RAD51B: variants seen among roughly 807,000 people sequenced by gnomAD.
RAD51B encodes the protein DNA repair protein RAD51 homolog 2.
Under a neutral mutation model 42.2 loss-of-function variants are expected in RAD51B, and 38 were observed. That is an observed-to-expected ratio of 0.90 (90% confidence interval 0.70 to 1.18). The LOEUF (loss-of-function observed/expected upper bound fraction) is 1.18, where lower values mean the gene tolerates loss of function less well. Ranked by LOEUF, RAD51B falls within the 50% of genes most tolerant of loss-of-function variation. The pLI is 0.00. For missense variants in RAD51B, 373 were observed against 400.7 expected, an observed-to-expected ratio of 0.93 and a Z score of 0.59; for synonymous variants, 154 against 145.2, an observed-to-expected ratio of 1.06 and a Z score of -0.43.
intron 3 of RAD51B, among the ~76,000 whole-genome samples, chr14:67,831,318 G>T (rs1594967638): frequency 6.6e-6 from 1 of 152,304 alleles, no homozygotes; most frequent in East Asian, 1.9e-4. Context: ...TATCAGAATG[G>T]ATGAGTGATT....
intron 4 of RAD51B, among the ~76,000 whole-genome samples, chr14:67,852,370 T>C (rs988534534): frequency 2.6e-5 from 4 of 152,210 alleles, no homozygotes; most frequent in Non-Finnish European, 5.9e-5. Flanking sequence ...AACTCGGGGA[T>C]CCAAGGTTGG....
At chr14:68,550,762 T>C (rs1265226909) in intron 10 of RAD51B, among the ~76,000 whole-genome samples, 5 of 152,204 alleles carry the variant, frequency 3.3e-5, no homozygotes, top group Non-Finnish European at 7.3e-5. Flanking sequence ...AGTCCATCAA[T>C]AACCCTAGCA....
At chr14:68,592,311 T>C (rs2140080114) in intron 10 of RAD51B, among the ~76,000 whole-genome samples, 1 of 151,360 alleles carries the variant, frequency 6.6e-6, no homozygotes, top group African/African-American at 2.4e-5. Context: ...AAGAGAGGAG[T>C]CTGTCACAGG....
intron 7 of RAD51B, among the ~76,000 whole-genome samples, chr14:68,266,763 A>G (rs1364622871): frequency 6.6e-6 from 1 of 152,250 alleles, no homozygotes; most frequent in Non-Finnish European, 1.5e-5. Context: ...GACAAATTAC[A>G]TGTATTCCTG....
chr14:68,008,297 A>G (rs1281049445), intron 7 of RAD51B, among the ~76,000 whole-genome samples: 1 of 151,976 alleles, frequency 6.6e-6, no homozygotes, highest in Non-Finnish European at 1.5e-5. Context: ...TTTAAAATAT[A>G]GACAAATTGA....
chr14:68,534,614 C>T (rs151105825), intron 10 of RAD51B, among the ~76,000 whole-genome samples: 146 of 152,088 alleles, frequency 9.6e-4, no homozygotes, highest in African/African-American at 3.2e-3. Flanking sequence ...GGTGAAGGCG[C>T]GAAGATGAAC....
At chr14:68,056,743 G>A (rs536714811) in intron 7 of RAD51B, among the ~76,000 whole-genome samples, 25 of 151,392 alleles carry the variant, frequency 1.7e-4, no homozygotes, top group African/African-American at 5.6e-4. Flanking sequence ...CCAAGACTCC[G>A]TCTCAAAAAT....
intron 7 of RAD51B, among the ~76,000 whole-genome samples, chr14:68,167,424 A>G (rs897842338): frequency 6.6e-6 from 1 of 152,188 alleles, no homozygotes; most frequent in African/African-American, 2.4e-5. Flanking sequence ...TAAAACCTAT[A>G]GCACGTATTT....
chr14:67,913,309 G>T (rs1229071470), intron 7 of RAD51B, among the ~76,000 whole-genome samples: 1 of 152,110 alleles, frequency 6.6e-6, no homozygotes, highest in African/African-American at 2.4e-5. Context: ...TGACTTATTA[G>T]TTTAAGGTTA....
At chr14:68,567,622 A>G (rs1889488063) in intron 10 of RAD51B, among the ~76,000 whole-genome samples, 1 of 152,212 alleles carries the variant, frequency 6.6e-6, no homozygotes, top group Non-Finnish European at 1.5e-5. Flanking sequence ...TCACTGCCCT[A>G]AAAATCCTCT....
chr14:68,112,022 G>C (rs1389825402), intron 7 of RAD51B, among the ~76,000 whole-genome samples: 1 of 152,070 alleles, frequency 6.6e-6, no homozygotes, highest in Non-Finnish European at 1.5e-5. Context: ...CAAGAGGCTA[G>C]CTCATAATAG....
chr14:68,213,052 G>A (rs573938760), intron 7 of RAD51B, among the ~76,000 whole-genome samples: 1 of 152,280 alleles, frequency 6.6e-6, no homozygotes, highest in South Asian at 2.1e-4. Flanking sequence ...TAAGCCTCAG[G>A]AACCTGTCTA....
intron 7 of RAD51B, among the ~76,000 whole-genome samples, chr14:68,218,449 T>G (rs2079858970): frequency 6.6e-6 from 1 of 152,236 alleles, no homozygotes. Context: ...ATCAGTAGTA[T>G]TTTTGATACT....
At chr14:68,107,217 A>G (rs1460896858) in intron 7 of RAD51B, among the ~76,000 whole-genome samples, 1 of 151,836 alleles carries the variant, frequency 6.6e-6, no homozygotes, top group Admixed American at 6.6e-5. Flanking sequence ...GCTCCATGAG[A>G]GCTAGAAGAG....
intron 11 of RAD51B, among the ~76,000 whole-genome samples, chr14:68,660,124 T>G (rs11848425): frequency 2.7e-3 from 417 of 152,346 alleles, no homozygotes; most frequent in African/African-American, 9.6e-3. Context: ...CTGCCCTGAC[T>G]TGAAGAAGGC....
chr14:68,261,570 TTACTATA>T lies in RAD51B; in HGVS notation c.757-30310_757-30304del, dbSNP rs2080890621. Among the ~76,000 whole-genome samples, 5 of 152,220 alleles carry T rather than the reference TTACTATA, an allele frequency of 3.3e-5. No homozygotes were observed. In the South Asian group the frequency reaches 1.0e-3, roughly 32 times the overall value. ...TACTTTTAATTATATGCTATTCATA[TTACTATA>T]TACCCATATAGTGTGCAGCGTTGCA... On this transcript the variant is annotated intron_variant, in intron 7 of 10. Transcript: ENST00000471583.
intron 10 of RAD51B, among the ~76,000 whole-genome samples, chr14:68,609,536 G>C (rs1291110654): frequency 6.6e-6 from 1 of 152,106 alleles, no homozygotes; most frequent in African/African-American, 2.4e-5. Flanking sequence ...CCATACCTGG[G>C]TGCAAATGCA....
At chr14:68,009,924 G>A (rs1566576116) in intron 7 of RAD51B, among the ~76,000 whole-genome samples, 1 of 151,842 alleles carries the variant, frequency 6.6e-6, no homozygotes, top group African/African-American at 2.4e-5. Flanking sequence ...GCTTGTGACT[G>A]TTTATTTCTA....
chr14:68,636,396 A>G (rs1892340488), intron 10 of RAD51B, among the ~76,000 whole-genome samples: 1 of 152,100 alleles, frequency 6.6e-6, no homozygotes, highest in African/African-American at 2.4e-5. Flanking sequence ...CAGCCTGGCC[A>G]ACATGGTGAA....
Sources: allele counts gnomAD v4.1 joint callset (sites outside exome capture counted in the v4.1 genomes callset), GRCh38; gene constraint gnomAD v4.1.1; transcripts MANE v1.5; gene names NCBI Gene and HGNC (gene_info 2026-07-23, HGNC 2026-07-21).